The following DIAPH3 variants were observed in gnomAD, a reference collection of about 807,000 sequenced individuals.
DIAPH3 encodes the protein diaphanous related formin 3.
A neutral mutation model predicts 144.3 loss-of-function variants in DIAPH3; 117 were observed. That is an observed-to-expected ratio of 0.81 (90% CI 0.70 to 0.95). The LOEUF (loss-of-function observed/expected upper bound fraction) is 0.95. Among genes scored for constraint, DIAPH3 ranks in the 40% least tolerant of loss-of-function variants. DIAPH3 has a pLI of 0.00. For synonymous variants in DIAPH3, 519 were observed against 488.9 expected, an observed-to-expected ratio of 1.06 and a Z score of -0.81; for missense variants, 1,421 against 1,412.7, an observed-to-expected ratio of 1.01 and a Z score of -0.09.
At chr13:59,779,551 G>A (rs906060139) in intron 25 of DIAPH3, among the ~76,000 whole-genome samples, 59 of 149,744 alleles carry the variant, frequency 3.9e-4, no homozygotes, top group African/African-American at 1.3e-3. Flanking sequence ...TTGCTCTGTC[G>A]CCCAGACTGG....
At chr13:60,065,721 TA>T (rs780669080) in intron 4 of DIAPH3, among the ~76,000 whole-genome samples, 1 of 152,144 alleles carries the variant, frequency 6.6e-6, no homozygotes, top group Non-Finnish European at 1.5e-5. Flanking sequence ...GAATAGTTTA[TA>T]AATATGCTAT....
chr13:59,884,455 C>G (rs940906813), intron 20 of DIAPH3, among the ~76,000 whole-genome samples: 2 of 152,128 alleles, frequency 1.3e-5, no homozygotes, highest in African/African-American at 4.8e-5. Context: ...TTCACTGGTG[C>G]TAAAAAGGTT....
chr13:59,737,366 C>G (rs1299329092), intron 27 of DIAPH3, among the ~76,000 whole-genome samples: 1 of 152,108 alleles, frequency 6.6e-6, no homozygotes, highest in Admixed American at 6.5e-5. Context: ...AATTTTAATG[C>G]CTATATTCTT....
At chr13:60,055,534 A>G (rs1427443309) in intron 4 of DIAPH3, among the ~76,000 whole-genome samples, 3 of 151,932 alleles carry the variant, frequency 2.0e-5, no homozygotes, top group African/African-American at 7.2e-5. Context: ...TACTATACAG[A>G]TAACAGTCTA....
intron 27 of DIAPH3, among the ~76,000 whole-genome samples, chr13:59,718,740 G>T (rs342574): frequency 0.74 from 111,999 of 151,964 alleles, 41,576 homozygotes; most frequent in East Asian, 0.88. Context: ...TTTTTTTAAG[G>T]AACTGTCATT....
chr13:60,163,718 C>T lies in DIAPH3; in HGVS notation c.49G>A (p.Ala17Thr). The change falls in exon 1 of 28, where the codon GCT (alanine) becomes ACT (threonine). Residue 17 changes from alanine (A) to threonine (T), a missense_variant. Ala to Thr is a moderately conservative substitution (Grantham distance 58, BLOSUM62 0). Transcript: ENST00000400324. ...RLHHPAQGSA[A>T]GTPYPSSASL... is the part of the protein sequence containing the mutation. ...GCTGAGGAAGGGTAGGGAGTCCCAGCGGCTGAGCCTTGGGCCGGGTGGTGC... is the reference window on the plus strand; with the variant it reads ...GCTGAGGAAGGGTAGGGAGTCCCAGTGGCTGAGCCTTGGGCCGGGTGGTGC... The T allele has an allele frequency of 6.2e-7, 1 of 1,607,314 alleles. No individual in the cohort carries two copies.
chr13:59,857,437 G>A (rs1302020461), intron 22 of DIAPH3, among the ~76,000 whole-genome samples: 1 of 152,118 alleles, frequency 6.6e-6, no homozygotes, highest in Non-Finnish European at 1.5e-5. Flanking sequence ...CAGAGTCTTA[G>A]AAGCAGAAAG....
intron 4 of DIAPH3, among the ~76,000 whole-genome samples, chr13:60,073,781 C>G (rs182084785): frequency 4.5e-4 from 68 of 152,232 alleles, no homozygotes; most frequent in Non-Finnish European, 7.6e-4. Context: ...AAATGAGTGC[C>G]AATTTACTAC....
chr13:59,736,377 T>C (rs1256442082), intron 27 of DIAPH3, among the ~76,000 whole-genome samples: 1 of 152,196 alleles, frequency 6.6e-6, no homozygotes, highest in African/African-American at 2.4e-5. Flanking sequence ...CTGTCTTCTA[T>C]ATAGCTGAGC....
Position 59,757,529 on chromosome 13 carries a change from T to C in DIAPH3, c.3319+16660A>G, listed in dbSNP as rs2037350156. ...CATTCTCCTGCCTCAGCCTCCCGAG[T>C]AGCTGGGACTACAGGCGCCCGCCAC... On this transcript the variant is annotated intron_variant, in intron 27 of 27. Coordinates refer to ENST00000400324, the MANE Select transcript of DIAPH3 (RefSeq NM_001042517.2). Among the ~76,000 whole-genome samples the C allele has an allele frequency of 2.0e-5, 3 of 151,020 alleles. No individual in the cohort carries two copies. In the South Asian group the frequency reaches 6.3e-4, roughly 32 times the overall value.
intron 5 of DIAPH3, among the ~76,000 whole-genome samples, chr13:60,020,495 G>A (rs2053941753): frequency 6.6e-6 from 1 of 152,134 alleles, no homozygotes; most frequent in South Asian, 2.1e-4. Flanking sequence ...AGCCTTCCTA[G>A]TAACTGGGAC....
intron 1 of DIAPH3, among the ~76,000 whole-genome samples, chr13:60,158,905 T>TAAA: frequency 1.4e-5 from 1 of 70,734 alleles, no homozygotes; most frequent in Non-Finnish European, 3.1e-5. Context: ...CTGGCCCCTC[T>TAAA]TAAAAAAAAA....
At chr13:60,162,823 A>T (rs1356274967) in intron 1 of DIAPH3, among the ~76,000 whole-genome samples, 4 of 151,302 alleles carry the variant, frequency 2.6e-5, no homozygotes, top group Non-Finnish European at 5.9e-5. Flanking sequence ...ACACACACAC[A>T]CACACACACA....
intron 27 of DIAPH3, among the ~76,000 whole-genome samples, chr13:59,730,252 T>G (rs1389959081): frequency 6.6e-6 from 1 of 152,212 alleles, no homozygotes; most frequent in East Asian, 1.9e-4. Context: ...CCCTCAGGCC[T>G]CTGCCTGGCA....
chr13:59,794,241 A>G (rs1332353812), intron 25 of DIAPH3, among the ~76,000 whole-genome samples: 1 of 152,190 alleles, frequency 6.6e-6, no homozygotes, highest in East Asian at 1.9e-4. Flanking sequence ...TTATCTGGAC[A>G]TAACCCCATC....
intron 20 of DIAPH3, among the ~76,000 whole-genome samples, chr13:59,895,913 A>C (rs1372823289): frequency 6.6e-6 from 1 of 152,240 alleles, no homozygotes; most frequent in Non-Finnish European, 1.5e-5. Context: ...TTCTGAAGAC[A>C]GAAAATAGGG....
intron 4 of DIAPH3, among the ~76,000 whole-genome samples, chr13:60,076,470 C>T (rs534327452): frequency 1.3e-5 from 2 of 152,200 alleles, no homozygotes; most frequent in South Asian, 4.2e-4. Context: ...CACCTGATAT[C>T]CTCAGCCCCT....
At chr13:59,875,497 G>A (rs2044562149) in intron 21 of DIAPH3, among the ~76,000 whole-genome samples, 1 of 151,648 alleles carries the variant, frequency 6.6e-6, no homozygotes, top group Admixed American at 6.6e-5. Flanking sequence ...TGGGGGAGAG[G>A]GGAAGAGAGG....
chr13:60,130,626 T>A (rs1038742422), intron 2 of DIAPH3, among the ~76,000 whole-genome samples: 3 of 152,184 alleles, frequency 2.0e-5, no homozygotes, highest in African/African-American at 2.4e-5. Flanking sequence ...ATCAGAACAG[T>A]GACTCTTTCA....
Sources: allele counts gnomAD v4.1 joint callset (sites outside exome capture counted in the v4.1 genomes callset), GRCh38; gene constraint gnomAD v4.1.1; transcripts MANE v1.5; gene names NCBI Gene and HGNC (gene_info 2026-07-23, HGNC 2026-07-21).